Variants in FTCDNL1 observed in about 807,000 individuals in gnomAD.
The protein encoded by FTCDNL1 is formiminotransferase cyclodeaminase N-terminal like.
Under a neutral mutation model 5.9 loss-of-function variants are expected in FTCDNL1, and 11 were observed. That is an observed-to-expected ratio of 1.87 (90% CI 1.18 to 3.10). The LOEUF (loss-of-function observed/expected upper bound fraction) is 3.10. Ranked by LOEUF, FTCDNL1 falls within the 30% of genes most tolerant of loss-of-function variation. The pLI is 0.00. For synonymous variants in FTCDNL1, 58 were observed against 24.8 expected, an observed-to-expected ratio of 2.34 and a Z score of -3.99; for missense variants, 115 against 65.5, an observed-to-expected ratio of 1.76 and a Z score of -2.61.
At chr2:199,788,813 G>C (rs186015289) in intron 3 of FTCDNL1, among the ~76,000 whole-genome samples, 1 of 151,954 alleles carries the variant, frequency 6.6e-6, no homozygotes, top group Admixed American at 6.6e-5. Flanking sequence ...AAAGATAAAG[G>C]AGAGATCCTA....
downstream of FTCDNL1, among the ~76,000 whole-genome samples, chr2:199,756,101 T>C (rs879890069): frequency 1.3e-5 from 2 of 152,204 alleles, no homozygotes; most frequent in Non-Finnish European, 2.9e-5. Flanking sequence ...CTTATACTTG[T>C]CTTTTATAGT....
the FTCDNL1 span, among the ~76,000 whole-genome samples, chr2:199,710,362 T>G: frequency 6.6e-6 from 1 of 152,102 alleles, no homozygotes; most frequent in African/African-American, 2.4e-5. Flanking sequence ...GGTCATGAGT[T>G]CAGTGTTAAT....
the FTCDNL1 span, among the ~76,000 whole-genome samples, chr2:199,710,729 T>C: frequency 1.3e-5 from 2 of 152,314 alleles, no homozygotes; most frequent in South Asian, 2.1e-4. Flanking sequence ...TATCTATGAC[T>C]GTAGCTCTTT....
At chr2:199,715,833 G>T in the FTCDNL1 span, among the ~76,000 whole-genome samples, 1 of 151,988 alleles carries the variant, frequency 6.6e-6, no homozygotes, top group Non-Finnish European at 1.5e-5. Flanking sequence ...TGGTAAAATG[G>T]CTATTAGAAT....
At chr2:199,841,032 T>C (rs1386971803) in intron 3 of FTCDNL1, among the ~76,000 whole-genome samples, 1 of 151,934 alleles carries the variant, frequency 6.6e-6, no homozygotes, top group Non-Finnish European at 1.5e-5. Context: ...GCACCTGTGA[T>C]CACAGCTACT....
the FTCDNL1 span, among the ~76,000 whole-genome samples, chr2:199,728,096 T>A: frequency 6.6e-6 from 1 of 152,218 alleles, no homozygotes; most frequent in African/African-American, 2.4e-5. Context: ...TAGGGACAGT[T>A]CTCAGTTGAA....
chr2:199,735,734 C>T, the FTCDNL1 span, among the ~76,000 whole-genome samples: 1 of 152,178 alleles, frequency 6.6e-6, no homozygotes, highest in East Asian at 1.9e-4. Flanking sequence ...TCTTCTCGCA[C>T]TAAGGCTGTG....
At chr2:199,683,322 A>G in the FTCDNL1 span, among the ~76,000 whole-genome samples, 1 of 152,094 alleles carries the variant, frequency 6.6e-6, no homozygotes, top group Non-Finnish European at 1.5e-5. Flanking sequence ...AATGACTATT[A>G]TAAGCCATGA....
chr2:199,797,745 A>G (rs1424131073), intron 3 of FTCDNL1, among the ~76,000 whole-genome samples: 5 of 152,194 alleles, frequency 3.3e-5, no homozygotes. Flanking sequence ...AATTGTTTGC[A>G]CAGAAAGACT....
chr2:199,674,915 G>A, the FTCDNL1 span, among the ~76,000 whole-genome samples: 88 of 152,222 alleles, frequency 5.8e-4, no homozygotes, highest in African/African-American at 2.0e-3. Context: ...CAATAGAGGA[G>A]GTAAGGAGCT....
At chr2:199,830,306 A>G (rs1702286711) in intron 3 of FTCDNL1, among the ~76,000 whole-genome samples, 1 of 152,226 alleles carries the variant, frequency 6.6e-6, no homozygotes, top group African/African-American at 2.4e-5. Flanking sequence ...ATCTCGCTAC[A>G]GTATGTTTAA....
At chr2:199,682,692 A>C in the FTCDNL1 span, among the ~76,000 whole-genome samples, 2 of 152,242 alleles carry the variant, frequency 1.3e-5, no homozygotes, top group African/African-American at 4.8e-5. Context: ...ATTAGCAACA[A>C]TATGCAGGAA....
the FTCDNL1 span, among the ~76,000 whole-genome samples, chr2:199,703,011 G>GGTTTGTTTGTTTGTTT: frequency 1.3e-5 from 2 of 150,498 alleles, no homozygotes; most frequent in Non-Finnish European, 3.0e-5. Context: ...AAGGACTCTG[G>GGTTTGTTTGTTTGTTT]GTTTGTTTGT....
the FTCDNL1 span, among the ~76,000 whole-genome samples, chr2:199,732,683 G>C: frequency 6.6e-6 from 1 of 152,032 alleles, no homozygotes. Flanking sequence ...TTCCTGACAT[G>C]TATACACAAA....
At chr2:199,785,954 C>G (rs6723607) in intron 3 of FTCDNL1, among the ~76,000 whole-genome samples, 2 of 151,950 alleles carry the variant, frequency 1.3e-5, no homozygotes, top group African/African-American at 4.8e-5. Flanking sequence ...GTTAGATTCT[C>G]ATAGGAGCAC....
At chr2:199,737,946 C>A in the FTCDNL1 span, among the ~76,000 whole-genome samples, 1 of 152,172 alleles carries the variant, frequency 6.6e-6, no homozygotes, top group Non-Finnish European at 1.5e-5. Flanking sequence ...CCTGTTTCTT[C>A]CTGTCTGTTG....
the FTCDNL1 span, among the ~76,000 whole-genome samples, chr2:199,665,119 A>C: frequency 6.6e-6 from 1 of 152,122 alleles, no homozygotes; most frequent in Non-Finnish European, 1.5e-5. Flanking sequence ...CCTTCCTTCT[A>C]CTTCTCTTTC....
chr2:199,727,351 A>G, the FTCDNL1 span, among the ~76,000 whole-genome samples: 1 of 152,118 alleles, frequency 6.6e-6, no homozygotes, highest in South Asian at 2.1e-4. Context: ...CATATGTGAG[A>G]GGCCACCAAG....
chr2:199,751,881 GA>G, the FTCDNL1 span, among the ~76,000 whole-genome samples: 4 of 40,448 alleles, frequency 9.9e-5, no homozygotes, highest in Admixed American at 3.4e-4. Flanking sequence ...CCTGAATCAG[GA>G]TTTTTTTTTT....
Sources: gnomAD v4.1 joint callset for allele counts (sites outside exome capture counted in the v4.1 genomes callset) on GRCh38, gnomAD v4.1.1 for gene constraint, MANE v1.5 for transcripts, NCBI Gene and HGNC (gene_info 2026-07-23, HGNC 2026-07-21) for gene names.